Variants in GPAT4 observed in about 807,000 individuals in gnomAD.
GPAT4 encodes 1-AGP acyltransferase 6.
A neutral mutation model predicts 58.0 loss-of-function variants in GPAT4; 17 were observed. The observed-to-expected ratio is 0.29, with a 90% CI of 0.20 to 0.44. GPAT4 has a LOEUF of 0.44. GPAT4 is among the 20% of genes least tolerant of loss of function. The probability of loss-of-function intolerance (pLI) is 1.00; values close to 1 mark genes in which losing one functional copy is unlikely to be tolerated. For synonymous variants in GPAT4, 204 were observed against 210.1 expected (o/e 0.97, Z 0.25); for missense variants, 377 against 574.5 (o/e 0.66, Z 3.51).
At chr8:41,611,852 TG>T in intron 5 of GPAT4, 50 bp from the exon 6 acceptor site, 1 of 1,568,490 alleles carries the variant, frequency 6.4e-7, no homozygotes, top group Admixed American at 1.7e-5. Flanking sequence ...TAACTCTTTC[TG>T]TCTTCCTGTA....
At chr8:41,620,717 G>A (rs774437153) in intron 12 of GPAT4, among the ~76,000 whole-genome samples, 176 bp from the exon 13 acceptor site, 3 of 152,134 alleles carry the variant, frequency 2.0e-5, no homozygotes, top group Non-Finnish European at 4.4e-5. Flanking sequence ...AGAAAGGGTG[G>A]ATATTGGGAT....
At chr8:41,614,861 C>T in intron 9 of GPAT4, 102 bp from the exon 10 acceptor site, 1 of 929,328 alleles carries the variant, frequency 1.1e-6, no homozygotes, top group South Asian at 1.6e-5. Context: ...CTGGAGGAAC[C>T]ATTAGAAGAA....
At chr8:41,592,808 C>G (rs536482331) in intron 1 of GPAT4, among the ~76,000 whole-genome samples, 1 of 152,086 alleles carries the variant, frequency 6.6e-6, no homozygotes, top group Non-Finnish European at 1.5e-5. Context: ...GGATCCAGTC[C>G]AGCCCCATCG....
chr8:41,597,865 C>T (rs1457486310), intron 1 of GPAT4, among the ~76,000 whole-genome samples: 1 of 151,552 alleles, frequency 6.6e-6, no homozygotes, highest in East Asian at 1.9e-4. Context: ...GACGGAGAAC[C>T]ATTGTGATTT....
rs932965298 is a variant in GPAT4, at chr8:41,623,349, A to G, written c.*2348A>G. The G allele has an allele frequency of 6.6e-6, 1 of 152,212 alleles. No individual in the cohort carries two copies. The highest frequency in any genetic ancestry group is 2.4e-5 in the African/African-American group (1 of 41,452). 9.4% of individuals were successfully genotyped at this position (152,212 alleles called of 1,614,324 possible). ...GTCTTATGGGGCAAAAACTCAAGAC[A>G]CTTAGAAACATGCAAAGTACAAAAT... On this transcript the variant is annotated 3_prime_UTR_variant, in exon 13 of 13. Transcript: ENST00000396987.
intron 1 of GPAT4, among the ~76,000 whole-genome samples, chr8:41,591,508 T>G (rs1311718897): frequency 6.6e-6 from 1 of 152,242 alleles, no homozygotes; most frequent in African/African-American, 2.4e-5. Flanking sequence ...CATGTCTTCT[T>G]GCAAGACAGA....
At position 41,614,951 on chromosome 8, in the gene GPAT4, C is replaced by G; in HGVS notation, c.968-12C>G. On this transcript the variant is annotated splice_polypyrimidine_tract_variant and intron_variant, in intron 9 of 12. Transcript: ENST00000396987. ...CAACAGAAATAGCATTTTATTGTCT[C>G]CTGCATTTTAGGAACCTGCATCAAT... The G allele has an allele frequency of 1.2e-6, 2 of 1,611,274 alleles. No homozygotes were observed. The highest frequency in any genetic ancestry group is 1.7e-6 in the Non-Finnish European group (2 of 1,177,414).
intron 2 of GPAT4, among the ~76,000 whole-genome samples, chr8:41,604,269 G>T (rs1190854697): frequency 6.6e-6 from 1 of 152,152 alleles, no homozygotes; most frequent in East Asian, 1.9e-4. Context: ...GCTAGCCCTG[G>T]CTTACAGCTC....
Position 41,612,203 on chromosome 8 carries a change from G to A in GPAT4, c.725G>A (p.Gly242Asp), listed in dbSNP as rs1803465756. ...AGGGAAAACAGACCAAGAAATGGTG[G>A]CATCTGTGTGGCCAATCATACCTCA... ...HDRENRPRNG[G>D]ICVANHTSPI... Residue 242 changes from glycine (G) to aspartate (D), a missense_variant, in exon 7 of 13, where the codon GGC (glycine) becomes GAC (aspartate). Transcript: ENST00000396987. The A allele has an allele frequency of 2.5e-6, 4 of 1,614,222 alleles. No homozygotes were observed. Among genetic ancestry groups the A allele is most frequent in the Non-Finnish European group, 3.4e-6 (4 of 1,180,036 alleles).
intron 1 of GPAT4, among the ~76,000 whole-genome samples, chr8:41,593,492 G>A (rs1052338394): frequency 6.6e-6 from 1 of 152,290 alleles, no homozygotes; most frequent in Admixed American, 6.5e-5. Flanking sequence ...TAAGTCCCAC[G>A]GTGAGTTTCC....
chr8:41,587,584 G>A (rs1212420323), intron 1 of GPAT4, among the ~76,000 whole-genome samples: 1 of 152,164 alleles, frequency 6.6e-6, no homozygotes, highest in African/African-American at 2.4e-5. Context: ...CTCATTGTGT[G>A]GGAGCTGTCC....
chr8:41,611,444 A>C (rs1200164278), intron 5 of GPAT4, among the ~76,000 whole-genome samples: 1 of 152,228 alleles, frequency 6.6e-6, no homozygotes, highest in East Asian at 1.9e-4. Flanking sequence ...TGTGTGGATA[A>C]AGTGATGAGA....
chr8:41,611,082 CA>C (rs1213710882), intron 5 of GPAT4, among the ~76,000 whole-genome samples: 8 of 152,204 alleles, frequency 5.3e-5, no homozygotes, highest in African/African-American at 1.9e-4. Context: ...AAAAGTTAGC[CA>C]GGCACGGTGG....
At chr8:41,593,224 C>G (rs1046713219) in intron 1 of GPAT4, among the ~76,000 whole-genome samples, 1 of 152,152 alleles carries the variant, frequency 6.6e-6, no homozygotes, top group African/African-American at 2.4e-5. Context: ...AGTCCTTAAT[C>G]TTATTTCAAA....
chr8:41,593,826 C>T (rs1451569127), intron 1 of GPAT4, among the ~76,000 whole-genome samples: 1 of 152,136 alleles, frequency 6.6e-6, no homozygotes, highest in Non-Finnish European at 1.5e-5. Context: ...AGAAATTCAC[C>T]TTTTGTTTTA....
In GPAT4 at chr8:41,624,364, TG is replaced by T. The variant is rs1228299142; in HGVS notation, c.*3366del. ...GTGACCTTCACGGCACAGCAAACAG[TG>T]GGCACTAACCCTGTTGTCCTGTGGA... On this transcript the variant is annotated 3_prime_UTR_variant, in exon 13 of 13. Coordinates refer to ENST00000396987, the MANE Select transcript of GPAT4 (RefSeq NM_178819.4). 6.6e-6 allele frequency: 1 copy of T among 152,174 alleles called. No homozygotes were observed. The highest frequency in any genetic ancestry group is 1.5e-5 in the Non-Finnish European group (1 of 68,014). The allele number at this position is 152,174 out of a possible 1,614,324, so 9.4% of individuals were successfully genotyped here. A position where few individuals can be genotyped will look rare whatever the true frequency, so the allele number is the denominator to read the frequency against.
rs755002535 is a variant in GPAT4 at position 41,621,032 on chromosome 8, C to T, written c.*31C>T. ...CCTCCAGCTGGCTGGGGCCACCGTGCGGGGTGCCAACGGGCTCAGAGCTGG... is the reference window on the plus strand; with the variant it reads ...CCTCCAGCTGGCTGGGGCCACCGTGTGGGGTGCCAACGGGCTCAGAGCTGG... On this transcript the variant is annotated 3_prime_UTR_variant, in exon 13 of 13. Coordinates refer to ENST00000396987, the MANE Select transcript of GPAT4 (RefSeq NM_178819.4). 9 of 1,549,832 alleles carry T rather than the reference C, an allele frequency of 5.8e-6. No individual in the cohort carries two copies. Among genetic ancestry groups the T allele is most frequent in the African/African-American group, 1.4e-5 (1 of 73,028 alleles).
intron 4 of GPAT4, chr8:41,610,388 G>A (rs1303398883): frequency 8.1e-7 from 1 of 1,235,442 alleles, no homozygotes; most frequent in Non-Finnish European, 1.0e-6. Context: ...TGCTTCAGAG[G>A]GAAGCTGTGC....
Position 41,621,023 on chromosome 8 carries a change from G to T in GPAT4, c.*22G>T, listed in dbSNP as rs1373824997. 7 of 1,550,268 alleles carry T rather than the reference G, an allele frequency of 4.5e-6. No homozygotes were observed. The highest frequency in any genetic ancestry group is 5.2e-6 in the Non-Finnish European group (6 of 1,146,954). ...CTGAGCCTGCCTCCAGCTGGCTGGG[G>T]CCACCGTGCGGGGTGCCAACGGGCT... On this transcript the variant is annotated 3_prime_UTR_variant, in exon 13 of 13. Transcript: ENST00000396987.
Sources: gnomAD v4.1 joint callset for allele counts (sites outside exome capture counted in the v4.1 genomes callset) on GRCh38, gnomAD v4.1.1 for gene constraint, MANE v1.5 for transcripts, NCBI Gene and HGNC (gene_info 2026-07-23, HGNC 2026-07-21) for gene names.